Variants in ZNF423 observed in about 807,000 individuals in gnomAD.
ZNF423 encodes the protein Ebf-associated zinc finger protein.
In ZNF423, 12 loss-of-function variants were observed where a neutral mutation model predicts 95.8. That is an observed-to-expected ratio of 0.13 (90% CI 0.08 to 0.20). The LOEUF (loss-of-function observed/expected upper bound fraction) is 0.20. Ranked by LOEUF, ZNF423 falls within the 10% of genes least tolerant of loss-of-function variation. The pLI is 1.00. For missense variants in ZNF423, 1,316 were observed against 1,737.1 expected, an observed-to-expected ratio of 0.76 and a Z score of 4.31; for synonymous variants, 749 against 711.9, an observed-to-expected ratio of 1.05 and a Z score of -0.83.
At position 49,677,320 on chromosome 16, in the gene ZNF423, AGGGAG is replaced by A. The variant is rs1239870003; in HGVS notation, c.302-38451_302-38447del. On this transcript the variant is annotated intron_variant, in intron 3 of 7. Transcript: ENST00000563137. ...AGAGAAGAGAAGAGAAAGGAGGGGAAGGGAGGGGAGGGGAGGGGAGGGGAGGAGGG... is the reference window on the plus strand; with the variant it reads ...AGAGAAGAGAAGAGAAAGGAGGGGAAGGGAGGGGAGGGGAGGGGAGGAGGG... 4.0e-3 allele frequency among the ~76,000 whole-genome samples: 200 copies of A among 50,322 alleles called. 8 individuals are homozygous for A. Among genetic ancestry groups the A allele is most frequent in the African/African-American group, 0.015 (173 of 11,626 alleles). 33.0% of individuals were successfully genotyped at this position (50,322 alleles called of 152,430 possible).
At chr16:49,547,547 G>A (rs1436998326) in intron 5 of ZNF423, among the ~76,000 whole-genome samples, 1 of 152,200 alleles carries the variant, frequency 6.6e-6, no homozygotes, top group African/African-American at 2.4e-5. Context: ...AGGAATGGTG[G>A]GGGTGAGCAG....
intron 1 of ZNF423, among the ~76,000 whole-genome samples, chr16:49,817,194 G>A (rs754644158): frequency 2.0e-5 from 3 of 152,176 alleles, no homozygotes; most frequent in Admixed American, 6.5e-5. Context: ...GCCACCTGAC[G>A]TCCTAGAGGG....
chr16:49,603,920 G>A lies in ZNF423; in HGVS notation c.3601+22250C>T, dbSNP rs1270103899. 2.0e-5 allele frequency among the ~76,000 whole-genome samples: 3 copies of A among 152,194 alleles called. No individual in the cohort carries two copies. Among genetic ancestry groups the A allele is most frequent in the African/African-American group, 7.2e-5 (3 of 41,452 alleles). The stretch of plus-strand genomic sequence containing the variant: ...GCCAGGAGCAGGGGTAGGGCTTGGA[G>A]AGCCCTGGGGACAGGCAAGGGCACA... On this transcript the variant is annotated intron_variant, in intron 5 of 7. Transcript: ENST00000563137. The surrounding 1 kb of genome is among the most constrained non-coding windows in gnomAD (Gnocchi z 4.1).
Position 49,647,608 on chromosome 16 carries a change from T to C in ZNF423, c.302-8734A>G, listed in dbSNP as rs78703701. On this transcript the variant is annotated intron_variant, in intron 3 of 7. Transcript: ENST00000563137. ...ATATGAGAAGGACCCAACCAGCAAT[T>C]ACTAGTATTGAAGATGGAAGGAGGC... Among the ~76,000 whole-genome samples the C allele has an allele frequency of 9.5e-3, 1,441 of 152,158 alleles. 19 individuals carry two copies. The highest frequency in any genetic ancestry group is 0.036 in the Admixed American group (550 of 15,268).
At position 49,523,754 on chromosome 16, in the gene ZNF423, G is replaced by A. The variant is rs756074378; in HGVS notation, c.3734-15C>T. On this transcript the variant is annotated splice_polypyrimidine_tract_variant and intron_variant, in intron 6 of 7. Transcript: ENST00000563137. ...CTGGACGAAGACTAGACACAGACAC[G>A]GCTGTCAGGGCCAAGCTCAGGACAC... The A allele has an allele frequency of 8.1e-6, 13 of 1,607,806 alleles. No homozygotes were observed. Among genetic ancestry groups the A allele is most frequent in the South Asian group, 2.2e-5 (2 of 90,952 alleles).
intron 2 of ZNF423, among the ~76,000 whole-genome samples, chr16:49,732,758 T>A (rs1231701547): frequency 1.3e-5 from 2 of 152,232 alleles, no homozygotes; most frequent in Non-Finnish European, 2.9e-5. Context: ...ATAAGGGCTC[T>A]ATTTCTCCTG....
Position 49,635,849 on chromosome 16 carries a change from G to A in ZNF423, c.3327C>T (p.Asn1109=), listed in dbSNP as rs200411543. 50 of 1,598,650 alleles carry A rather than the reference G, an allele frequency of 3.1e-5. No individual in the cohort carries two copies. The highest frequency in any genetic ancestry group is 2.5e-4 in the East Asian group (11 of 44,750). Residue 1109 remains asparagine (N), a synonymous_variant, in exon 4 of 8, where the codon AAC becomes AAT. Coordinates refer to ENST00000563137, the MANE Select transcript of ZNF423 (RefSeq NM_001379286.1). This position sits in a 1 kb window ranked among gnomAD's most constrained non-coding sequence, Gnocchi z 4.8. ...GCGGGGCCAGGCCACCCACCTGTCC[G>A]TTGGCGCTGCGGGCCATGCAGCCGG... ...LCAGCMARSA[N]GQVGGLAPPE...
intron 5 of ZNF423, among the ~76,000 whole-genome samples, chr16:49,616,527 T>C (rs969289524): frequency 1.3e-5 from 2 of 152,212 alleles, no homozygotes; most frequent in South Asian, 2.1e-4. Flanking sequence ...AGGTGATAGA[T>C]ACCCCATTTT....
intron 5 of ZNF423, among the ~76,000 whole-genome samples, chr16:49,607,287 C>T (rs1444663413): frequency 6.6e-6 from 1 of 151,678 alleles, no homozygotes; most frequent in African/African-American, 2.4e-5. Context: ...GCATAACAGG[C>T]CACAGAATTC....
rs890199414 is a variant in ZNF423, at chr16:49,542,512, C to T, written c.3602-17018G>A. On this transcript the variant is annotated intron_variant, in intron 5 of 7. Transcript: ENST00000563137. ...TCGTACCTCACACAGTGTTCTGTCC[C>T]ATGTGAGCTGGAATGTGCCTGCTGT... Among the ~76,000 whole-genome samples, 4 of 152,224 alleles carry T rather than the reference C, an allele frequency of 2.6e-5. No individual in the cohort carries two copies. The East Asian group carries it at 5.8e-4, about 22-fold the overall frequency.
At chr16:49,518,585 C>CAAAAAA in intron 7 of ZNF423, 1 of 375,200 alleles carries the variant, frequency 2.7e-6, no homozygotes, top group Admixed American at 3.8e-5. Context: ...TGTTCCATTG[C>CAAAAAA]AAAAAAAAAA....
At chr16:49,677,970 G>A (rs1271653072) in intron 3 of ZNF423, among the ~76,000 whole-genome samples, 5 of 151,978 alleles carry the variant, frequency 3.3e-5, no homozygotes. Context: ...ATCATTTGAG[G>A]TCAGGAGTTC....
chr16:49,553,155 T>C (rs1398470887), intron 5 of ZNF423, among the ~76,000 whole-genome samples: 1 of 152,060 alleles, frequency 6.6e-6, no homozygotes, highest in African/African-American at 2.4e-5. Context: ...TGGGCTCAAA[T>C]CTGCATGAAG....
At chr16:49,854,053 C>G in intron 1 of ZNF423, 1 of 985,382 alleles carries the variant, frequency 1.0e-6, no homozygotes. Flanking sequence ...TCAAGCCGTA[C>G]AGCCCTTCCA....
At chr16:49,559,025 T>C (rs568083676) in intron 5 of ZNF423, among the ~76,000 whole-genome samples, 1 of 152,332 alleles carries the variant, frequency 6.6e-6, no homozygotes, top group Middle Eastern at 3.4e-3. Context: ...TCCCTCAACC[T>C]TGGACATCCC....
At chr16:49,690,075 A>C (rs1372958695) in intron 3 of ZNF423, among the ~76,000 whole-genome samples, 2 of 152,172 alleles carry the variant, frequency 1.3e-5, no homozygotes, top group Non-Finnish European at 2.9e-5. Context: ...ACAAAAGGGC[A>C]CAGAACCACC....
chr16:49,577,046 A>C (rs1385026458), intron 5 of ZNF423, among the ~76,000 whole-genome samples: 1 of 152,192 alleles, frequency 6.6e-6, no homozygotes, highest in African/African-American at 2.4e-5. Flanking sequence ...GGATGTGACA[A>C]CATTAAAGAC....
At chr16:49,536,829 TC>T (rs1461978964) in intron 5 of ZNF423, among the ~76,000 whole-genome samples, 3 of 152,234 alleles carry the variant, frequency 2.0e-5, no homozygotes, top group African/African-American at 7.2e-5. Context: ...AATATTTCCA[TC>T]ATTTTAGAAA....
intron 4 of ZNF423, among the ~76,000 whole-genome samples, chr16:49,631,389 C>T (rs1451207909): frequency 6.6e-6 from 1 of 152,078 alleles, no homozygotes; most frequent in Non-Finnish European, 1.5e-5. Flanking sequence ...CTCACCCCAA[C>T]ATCTATTCCT....
Sources: allele counts gnomAD v4.1 joint callset (sites outside exome capture counted in the v4.1 genomes callset), GRCh38; gene constraint gnomAD v4.1.1; non-coding constraint Gnocchi (gnomAD v3.1); transcripts MANE v1.5; gene names NCBI Gene and HGNC (gene_info 2026-07-23, HGNC 2026-07-21).